The following ZFAND6 variants were observed in gnomAD, a reference collection of about 807,000 sequenced individuals.
ZFAND6 encodes zinc finger AN1-type containing 6.
A neutral mutation model predicts 24.5 loss-of-function variants in ZFAND6; 12 were observed. That is an observed-to-expected ratio of 0.49 (90% confidence interval 0.31 to 0.79). ZFAND6 has a LOEUF of 0.79. ZFAND6 is among the 30% of genes least tolerant of loss of function. ZFAND6 has a pLI of 0.04. For missense variants in ZFAND6, 207 were observed against 245.9 expected, an observed-to-expected ratio of 0.84 and a Z score of 1.06; for synonymous variants, 92 against 81.5, an observed-to-expected ratio of 1.13 and a Z score of -0.69.
At chr15:80,120,672 GTATCA>G (rs2040106569) in intron 3 of ZFAND6, 174 bp downstream of exon 3, 2 of 421,354 alleles carry the variant, frequency 4.7e-6, no homozygotes, top group Non-Finnish European at 7.9e-6. Context: ...TTAGGAATGA[GTATCA>G]TCACTCATTG....
intron 1 of ZFAND6, among the ~76,000 whole-genome samples, chr15:80,061,317 A>C (rs983446195): frequency 1.3e-5 from 2 of 152,216 alleles, no homozygotes; most frequent in Non-Finnish European, 1.5e-5. Context: ...TTACACTTCA[A>C]ATATGTGCAG....
rs2040943734 is a variant in ZFAND6 at position 80,138,169 on chromosome 15, G to C, written c.*541G>C. 1.3e-5 allele frequency: 2 copies of C among 152,716 alleles called. No individual in the cohort carries two copies. Among genetic ancestry groups the C allele is most frequent in the Admixed American group, 1.3e-4 (2 of 15,288 alleles). The allele number at this position is 152,716 out of a possible 1,614,324, so 9.5% of individuals were successfully genotyped here. ...TATGTCTGAATCATTTGTCACAAGA[G>C]AGTGTGTGCTGATGAGATTGTAAGT... On this transcript the variant is annotated 3_prime_UTR_variant, in exon 7 of 7. Transcript: ENST00000261749.
chr15:80,071,745 TAA>T (rs990222363), intron 1 of ZFAND6, among the ~76,000 whole-genome samples: 49 of 139,016 alleles, frequency 3.5e-4, no homozygotes, highest in Middle Eastern at 3.7e-3. Context: ...TTCCACACAT[TAA>T]AAAAAAAAAA....
intron 2 of ZFAND6, among the ~76,000 whole-genome samples, chr15:80,118,188 C>T (rs963811424): frequency 6.6e-6 from 1 of 152,164 alleles, no homozygotes; most frequent in African/African-American, 2.4e-5. Context: ...GTGGTGCGAT[C>T]CCGGCTCACT....
intron 6 of ZFAND6, among the ~76,000 whole-genome samples, chr15:80,134,882 C>T (rs770381012): frequency 6.6e-6 from 1 of 152,196 alleles, no homozygotes; most frequent in African/African-American, 2.4e-5. Context: ...CTTTTCACTT[C>T]GTTTGCAACG....
At chr15:80,066,745 A>G (rs866449851) in intron 1 of ZFAND6, among the ~76,000 whole-genome samples, 1 of 151,858 alleles carries the variant, frequency 6.6e-6, no homozygotes, top group South Asian at 2.1e-4. Flanking sequence ...GAAAATACCA[A>G]AATTAGCTGG....
intron 1 of ZFAND6, among the ~76,000 whole-genome samples, chr15:80,078,579 A>T (rs774094711): frequency 6.6e-6 from 1 of 152,196 alleles, no homozygotes; most frequent in Non-Finnish European, 1.5e-5. Flanking sequence ...TATACCCAGT[A>T]ATGGGATTGC....
At chr15:80,122,854 C>G (rs2040206830) in intron 5 of ZFAND6, 54 bp downstream of exon 5, 4 of 1,427,534 alleles carry the variant, frequency 2.8e-6, no homozygotes, top group Non-Finnish European at 3.9e-6. Flanking sequence ...AGGCCAGACA[C>G]TATCCTAGGT....
At chr15:80,063,498 T>A (rs986177604) in intron 1 of ZFAND6, among the ~76,000 whole-genome samples, 2 of 151,964 alleles carry the variant, frequency 1.3e-5, no homozygotes, top group Non-Finnish European at 2.9e-5. Context: ...TTGAAGTGAT[T>A]CTTGTTCCTC....
At chr15:80,071,850 G>A (rs1041235351) in intron 1 of ZFAND6, among the ~76,000 whole-genome samples, 3 of 151,752 alleles carry the variant, frequency 2.0e-5, no homozygotes, top group African/African-American at 7.3e-5. Flanking sequence ...TTTGCCAATG[G>A]TTAAGCATTA....
chr15:80,069,795 G>A (rs185610703), intron 1 of ZFAND6, among the ~76,000 whole-genome samples: 32 of 152,182 alleles, frequency 2.1e-4, no homozygotes, highest in African/African-American at 7.7e-4. Flanking sequence ...TTCTAGTAGA[G>A]ACGGGGTTTC....
intron 1 of ZFAND6, among the ~76,000 whole-genome samples, chr15:80,081,508 A>G (rs2037667275): frequency 6.6e-6 from 1 of 151,534 alleles, no homozygotes; most frequent in South Asian, 2.1e-4. Flanking sequence ...CAAATAACAT[A>G]TTGTCAGATA....
chr15:80,102,386 A>T (rs994629586), intron 2 of ZFAND6, among the ~76,000 whole-genome samples: 1 of 152,168 alleles, frequency 6.6e-6, no homozygotes, highest in African/African-American at 2.4e-5. Context: ...AAGTGCTAGG[A>T]TTACAGGTGT....
At chr15:80,108,850 C>G (rs1328256491) in intron 2 of ZFAND6, among the ~76,000 whole-genome samples, 2 of 151,988 alleles carry the variant, frequency 1.3e-5, no homozygotes, top group South Asian at 4.2e-4. Context: ...GCCTTAGCCT[C>G]CAGAGTAGCT....
chr15:80,120,569 A>G (rs1295760605), intron 3 of ZFAND6, 71 bp downstream of exon 3: 4 of 1,267,438 alleles, frequency 3.2e-6, no homozygotes, highest in Non-Finnish European at 3.1e-6. Context: ...TATACCCAAT[A>G]CCTTTTTCTG....
chr15:80,112,966 T>TG, intron 2 of ZFAND6: 1 of 412,646 alleles, frequency 2.4e-6, no homozygotes, highest in Non-Finnish European at 4.8e-6. Context: ...TCACCCATTC[T>TG]GAGCAGTTAG....
chr15:80,127,986 C>G (rs972090731), intron 5 of ZFAND6, among the ~76,000 whole-genome samples: 1 of 152,034 alleles, frequency 6.6e-6, no homozygotes, highest in Non-Finnish European at 1.5e-5. Context: ...TATATCCGTA[C>G]AGTAGAATAT....
chr15:80,086,138 G>C (rs918028331), intron 1 of ZFAND6, among the ~76,000 whole-genome samples: 6 of 152,208 alleles, frequency 3.9e-5, no homozygotes, highest in Middle Eastern at 3.4e-3. Flanking sequence ...TGCCGGGTTC[G>C]AGTGATTCTC....
chr15:80,119,845 A>G (rs1447267083), intron 2 of ZFAND6, among the ~76,000 whole-genome samples: 2 of 152,334 alleles, frequency 1.3e-5, no homozygotes, highest in South Asian at 2.1e-4. Context: ...CCAGTTCTCC[A>G]TATCTTCACC....
Sources: gnomAD v4.1 joint callset for allele counts (sites outside exome capture counted in the v4.1 genomes callset) on GRCh38, gnomAD v4.1.1 for gene constraint, MANE v1.5 for transcripts, NCBI Gene and HGNC (gene_info 2026-07-23, HGNC 2026-07-21) for gene names.